Variants in RMDN2 observed in about 807,000 individuals in gnomAD.
RMDN2 encodes regulator of microtubule dynamics protein 2.
Under a neutral mutation model 52.8 loss-of-function variants are expected in RMDN2, and 61 were observed. That is an observed-to-expected ratio of 1.16 (90% CI 0.94 to 1.43). The LOEUF is 1.43. Among genes scored for constraint, RMDN2 ranks in the 40% most tolerant of loss-of-function variants. RMDN2 has a pLI of 0.00. For missense variants in RMDN2, 592 were observed against 475.3 expected, an observed-to-expected ratio of 1.25 and a Z score of -2.28; for synonymous variants, 180 against 153.1, an observed-to-expected ratio of 1.18 and a Z score of -1.30.
intron 1 of RMDN2, chr2:37,928,617 A>C (rs1453492894): frequency 6.6e-6 from 1 of 152,260 alleles, no homozygotes; most frequent in Non-Finnish European, 1.5e-5. Flanking sequence ...CCACCTATTT[A>C]AATCTCTGCT....
In RMDN2 at chr2:37,950,493, C is replaced by T. The variant is rs750734416; in HGVS notation, c.452+20764C>T. The T allele has an allele frequency of 1.9e-6, 3 of 1,612,338 alleles. No individual in the cohort carries two copies. In the African/African-American group the frequency reaches 4.0e-5, roughly 22 times the overall value. On this transcript the variant is annotated intron_variant, in intron 2 of 10. Transcript: ENST00000354545. ...GCAGCTTGAGCATTCAGTCTTCTGA[C>T]CTGTTCCACCTCTACAGGGCATTTT... is the stretch of plus-strand genomic sequence containing the variant.
chr2:37,987,642 C>A (rs1344820584), intron 5 of RMDN2, among the ~76,000 whole-genome samples: 1 of 152,102 alleles, frequency 6.6e-6, no homozygotes, highest in African/African-American at 2.4e-5. Flanking sequence ...TTGTCAAAAC[C>A]CATAGAATAT....
intron 2 of RMDN2, among the ~76,000 whole-genome samples, chr2:37,940,854 G>A (rs1667721749): frequency 6.6e-6 from 1 of 152,152 alleles, no homozygotes; most frequent in Non-Finnish European, 1.5e-5. Flanking sequence ...TTAGCTCGAA[G>A]GAGTTTGTTA....
intron 10 of RMDN2, among the ~76,000 whole-genome samples, chr2:38,005,582 A>G (rs560831360): frequency 4.6e-5 from 7 of 152,048 alleles, no homozygotes; most frequent in Non-Finnish European, 8.8e-5. Context: ...GTTTGAGTTC[A>G]TTGTAGATTC....
At chr2:37,952,452 T>G in intron 2 of RMDN2, 2 of 492,542 alleles carry the variant, frequency 4.1e-6, no homozygotes. Context: ...ATTTACTGCT[T>G]AAAGATGGGC....
At chr2:37,976,868 T>C (rs1247785045) in intron 4 of RMDN2, among the ~76,000 whole-genome samples, 2 of 152,020 alleles carry the variant, frequency 1.3e-5, no homozygotes, top group African/African-American at 4.8e-5. Flanking sequence ...TTAGTATTTA[T>C]TGATCATTCT....
chr2:37,927,733 G>A (rs1666403143), intron 1 of RMDN2, among the ~76,000 whole-genome samples: 2 of 152,194 alleles, frequency 1.3e-5, no homozygotes, highest in African/African-American at 4.8e-5. Context: ...TAGCTGGAAT[G>A]CAGTTGTAAT....
chr2:37,944,092 C>A (rs539192047), intron 2 of RMDN2, among the ~76,000 whole-genome samples: 48 of 152,268 alleles, frequency 3.2e-4, no homozygotes, highest in African/African-American at 1.1e-3. Context: ...TTTTGTGTAA[C>A]TGCACCACCC....
At chr2:37,966,584 G>T (rs1461787282) in intron 2 of RMDN2, among the ~76,000 whole-genome samples, 1 of 151,838 alleles carries the variant, frequency 6.6e-6, no homozygotes, top group East Asian at 1.9e-4. Context: ...GGTCCTTTAG[G>T]CTCTATTTAC....
At position 38,017,292 on chromosome 2, in the gene RMDN2, G is replaced by T; in HGVS notation, c.*53G>T. On this transcript the variant is annotated 3_prime_UTR_variant, in exon 11 of 11. Transcript: ENST00000354545. ...AGATGTGGTCTACCAAAATTTAAAT[G>T]AATCAAAGTTGTGCTTTTATTATCC... 1 of 1,472,364 alleles carries T rather than the reference G, an allele frequency of 6.8e-7. No individual in the cohort carries two copies. The highest frequency in any genetic ancestry group is 1.4e-5 in the South Asian group (1 of 70,024). The allele number at this position is 1,472,364 out of a possible 1,614,324, so 91.2% of individuals were successfully genotyped here.
intron 10 of RMDN2, among the ~76,000 whole-genome samples, chr2:38,041,443 T>TTTTTG (rs1680946141): frequency 6.7e-6 from 1 of 148,976 alleles, no homozygotes; most frequent in Non-Finnish European, 1.5e-5. Flanking sequence ...TTTTTTTTTT[T>TTTTTG]GGACGTTTTG....
rs191219196 is a variant in RMDN2 at position 37,931,909 on chromosome 2, A to C, written c.452+2180A>C. On this transcript the variant is annotated intron_variant, in intron 2 of 10. Coordinates refer to ENST00000354545, the MANE Select transcript of RMDN2 (RefSeq NM_001170791.3). ...ACTAGAGTAGATGCAATACATCCCC[A>C]GTGCCTTGGACTACAGCAAATGGCA... 1.8e-3 allele frequency among the ~76,000 whole-genome samples: 270 copies of C among 152,342 alleles called. 2 individuals are homozygous for C. In the Middle Eastern group the frequency reaches 0.027, roughly 15 times the overall value.
chr2:37,958,304 A>G (rs966073007), intron 2 of RMDN2, among the ~76,000 whole-genome samples: 9 of 152,056 alleles, frequency 5.9e-5, no homozygotes, highest in African/African-American at 1.7e-4. Flanking sequence ...ATTTGTTTGT[A>G]TACTCTCTTA....
chr2:38,004,193 T>C lies in RMDN2; in HGVS notation c.1156T>C (p.Leu386=), dbSNP rs1382430263. 4.3e-6 allele frequency: 7 copies of C among 1,613,632 alleles called. No homozygotes were observed. The highest frequency in any genetic ancestry group is 5.9e-6 in the Non-Finnish European group (7 of 1,179,770). ...TTTGAAGTTCTGTAATTTGGCTTTA[T>C]TGCTTCCTACTGTTACCAAAGAGGT... ...NALKFCNLAL[L]LPTVTKEDKE... The change falls in exon 10 of 11, where the codon TTG becomes CTG. Residue 386 remains leucine (L), a synonymous_variant. Transcript: ENST00000354545.
At chr2:38,013,619 C>G (rs1678311709) in intron 10 of RMDN2, among the ~76,000 whole-genome samples, 2 of 152,192 alleles carry the variant, frequency 1.3e-5, no homozygotes, top group Admixed American at 6.5e-5. Context: ...AATCCTAATT[C>G]TGCTTTAAAT....
At chr2:38,050,219 C>G (rs1681503800) in intron 10 of RMDN2, among the ~76,000 whole-genome samples, 1 of 152,010 alleles carries the variant, frequency 6.6e-6, no homozygotes. Flanking sequence ...TGATGTGCCT[C>G]CACTCCTCTC....
In RMDN2 at chr2:38,017,429, A is replaced by G. The variant is rs1013301935; in HGVS notation, c.*190A>G. 7 of 1,260,964 alleles carry G rather than the reference A, an allele frequency of 5.6e-6. No individual in the cohort carries two copies. In the East Asian group the frequency reaches 8.9e-5, roughly 16 times the overall value. The allele number at this position is 1,260,964 out of a possible 1,614,324, so 78.1% of individuals were successfully genotyped here. A position where few individuals can be genotyped will look rare whatever the true frequency, so the allele number is the denominator to read the frequency against. ...ATTAATTATGTTATTTGGAGAATCT[A>G]TATACTATAATGTCAATACATAATC... On this transcript the variant is annotated 3_prime_UTR_variant, in exon 11 of 11. Transcript: ENST00000354545.
At chr2:37,921,140 A>G (rs550509793), upstream of RMDN2, among the ~76,000 whole-genome samples, 23 of 152,344 alleles carry the variant, frequency 1.5e-4, no homozygotes, top group Admixed American at 1.2e-3. Context: ...TCTTTCATAC[A>G]TATCTTCCTA....
intron 1 of RMDN2, among the ~76,000 whole-genome samples, chr2:37,927,974 T>A (rs1666421951): frequency 6.6e-6 from 1 of 152,220 alleles, no homozygotes; most frequent in Non-Finnish European, 1.5e-5. Flanking sequence ...AAAATTTTTT[T>A]AAGTTAATTC....
Sources: allele counts gnomAD v4.1 joint callset (sites outside exome capture counted in the v4.1 genomes callset), GRCh38; gene constraint gnomAD v4.1.1; transcripts MANE v1.5; gene names NCBI Gene and HGNC (gene_info 2026-07-23, HGNC 2026-07-21).